The following DNAJC2 variants were observed in gnomAD, a reference collection of about 807,000 sequenced individuals.
The protein encoded by DNAJC2 is dnaJ homolog subfamily C member 2.
A neutral mutation model predicts 94.0 loss-of-function variants in DNAJC2; 32 were observed. That is an observed-to-expected ratio of 0.34 (90% CI 0.26 to 0.46). DNAJC2 has a LOEUF of 0.46. Among genes scored for constraint, DNAJC2 ranks in the 20% least tolerant of loss-of-function variants. The pLI is 1.00. For synonymous variants in DNAJC2, 210 were observed against 229.7 expected (o/e 0.91, Z 0.77); for missense variants, 550 against 719.5 (o/e 0.76, Z 2.69).
chr7:103,334,715 T>C (rs1157129781), intron 3 of DNAJC2, among the ~76,000 whole-genome samples: 1 of 152,062 alleles, frequency 6.6e-6, no homozygotes, highest in Non-Finnish European at 1.5e-5. Context: ...CCCACAGTGC[T>C]AGGATTAACA....
At chr7:103,339,131 G>A (rs1000514424) in intron 2 of DNAJC2, among the ~76,000 whole-genome samples, 1 of 152,052 alleles carries the variant, frequency 6.6e-6, no homozygotes, top group African/African-American at 2.4e-5. Context: ...ATAGCTTATG[G>A]CCATCCTATG....
intron 3 of DNAJC2, among the ~76,000 whole-genome samples, chr7:103,331,244 C>G (rs931430914): frequency 6.6e-6 from 1 of 152,218 alleles, no homozygotes. Context: ...AGGCGTGAGC[C>G]ACTGTGCCTG....
intron 3 of DNAJC2, among the ~76,000 whole-genome samples, chr7:103,331,809 A>G (rs575893219): frequency 6.6e-6 from 1 of 152,308 alleles, no homozygotes; most frequent in Admixed American, 6.5e-5. Context: ...AGCCACAATA[A>G]AAACATGGGA....
chr7:103,321,553 C>A (rs1818415077), intron 10 of DNAJC2, among the ~76,000 whole-genome samples: 1 of 148,468 alleles, frequency 6.7e-6, no homozygotes, highest in South Asian at 2.1e-4. Context: ...TTTTTTTTTT[C>A]AAGAAATATT....
intron 16 of DNAJC2, 74 bp from the exon 17 acceptor site, chr7:103,312,717 A>G: frequency 6.3e-7 from 1 of 1,586,452 alleles, no homozygotes; most frequent in African/African-American, 1.4e-5. Flanking sequence ...GTTTGGTGTA[A>G]AGAATTCAAG....
chr7:103,316,316 C>A, intron 13 of DNAJC2: 1 of 357,122 alleles, frequency 2.8e-6, no homozygotes, highest in East Asian at 4.5e-5. Context: ...ATACATCTTA[C>A]AGATTTGGTG....
At chr7:103,334,014 G>C (rs575285207) in intron 3 of DNAJC2, among the ~76,000 whole-genome samples, 2 of 150,214 alleles carry the variant, frequency 1.3e-5, no homozygotes, top group East Asian at 2.0e-4. Context: ...GCAGTGGCGT[G>C]ATCTCAGCTC....
At chr7:103,332,359 A>T (rs1819012042) in intron 3 of DNAJC2, among the ~76,000 whole-genome samples, 2 of 152,330 alleles carry the variant, frequency 1.3e-5, no homozygotes, top group East Asian at 3.9e-4. Context: ...TTATATTAAT[A>T]GGAATTGTTT....
intron 1 of DNAJC2, among the ~76,000 whole-genome samples, chr7:103,342,299 A>AT (rs958918897): frequency 2.7e-5 from 4 of 150,402 alleles, no homozygotes; most frequent in Admixed American, 1.3e-4. Context: ...CAAATTATTT[A>AT]TTTTTTTACT....
rs1818005990 is a variant in DNAJC2 at position 103,315,641 on chromosome 7, C to G, written c.1636+123G>C. The G allele has an allele frequency of 5.0e-6, 3 of 601,054 alleles. No individual in the cohort carries two copies. The South Asian group carries it at 7.6e-5, about 15-fold the overall frequency. 37.2% of individuals were successfully genotyped at this position (601,054 alleles called of 1,614,324 possible). A position where few individuals can be genotyped will look rare whatever the true frequency, so the allele number is the denominator to read the frequency against. On this transcript the variant is annotated intron_variant, in intron 15 of 16. Transcript: ENST00000379263. ...TCTTTGCCCTGGAAATGTTTGCTTA[C>G]AGCTTCCAGTCTGCTAAACATTTTA...
At chr7:103,321,556 G>C (rs949292745) in intron 10 of DNAJC2, among the ~76,000 whole-genome samples, 1 of 149,520 alleles carries the variant, frequency 6.7e-6, no homozygotes, top group Non-Finnish European at 1.5e-5. Context: ...TTTTTTTCAA[G>C]AAATATTTTG....
At chr7:103,338,105 A>G (rs1819243965) in intron 2 of DNAJC2, among the ~76,000 whole-genome samples, 4 of 152,132 alleles carry the variant, frequency 2.6e-5, no homozygotes, top group Admixed American at 2.0e-4. Context: ...TGTCTCTACA[A>G]AAAAATTTTT....
Position 103,316,839 on chromosome 7 carries a change from G to C in DNAJC2, c.1418C>G (p.Thr473Arg). The C allele has an allele frequency of 6.2e-7, 1 of 1,613,360 alleles. No homozygotes were observed. The highest frequency in any genetic ancestry group is 8.5e-7 in the Non-Finnish European group (1 of 1,179,872). ...TCATTAAAACCAGTACCTTGAATTTGTTCCAGCAGGGAACAGATTCACAGC... is the reference window on the plus strand; with the variant it reads ...TCATTAAAACCAGTACCTTGAATTTCTTCCAGCAGGGAACAGATTCACAGC... ...IKAVNLFPAG[T>R]NSRWEVIANY... The change falls in exon 13 of 17, where the codon ACA becomes AGA. Residue 473 changes from threonine to arginine, a missense_variant. By Grantham distance (71) the Thr-to-Arg change is moderately conservative (BLOSUM62 -1). Coordinates refer to ENST00000379263, the MANE Select transcript of DNAJC2 (RefSeq NM_014377.3).
chr7:103,322,530 T>A lies in DNAJC2; in HGVS notation c.914A>T (p.Glu305Val). The A allele has an allele frequency of 6.6e-7, 1 of 1,519,296 alleles. No individual in the cohort carries two copies. Among genetic ancestry groups the A allele is most frequent in the African/African-American group, 1.4e-5 (1 of 72,758 alleles). 94.1% of individuals were successfully genotyped at this position (1,519,296 alleles called of 1,614,324 possible). Residue 305 changes from glutamate to valine, a missense_variant, in exon 9 of 17, where the codon GAG becomes GTG. Physicochemically the swap from Glu to Val is moderately radical, Grantham distance 121. This residue lies in a region of DNAJC2 where 279 missense variants were observed against 416.9 expected (regional missense o/e 0.67). Transcript: ENST00000379263. ...KKAKAEAKRK[E>V]QEAKEKQRQA... ...TCTTACTTTTTCTTTAGCTTCTTGC[T>A]CCTTCCGTTTAGCTTCTGCTTTTGC... is the stretch of plus-strand genomic sequence containing the variant.
intron 14 of DNAJC2, 46 bp from the exon 15 acceptor site, chr7:103,315,917 C>CT (rs771232487): frequency 6.5e-7 from 1 of 1,536,874 alleles, no homozygotes; most frequent in Admixed American, 1.8e-5. Context: ...ATCATTTAAT[C>CT]TTTCATTAAA....
intron 9 of DNAJC2, 92 bp downstream of exon 9, chr7:103,322,419 A>G: frequency 8.0e-7 from 1 of 1,249,104 alleles, no homozygotes; most frequent in Non-Finnish European, 1.1e-6. Flanking sequence ...CTTTCGAATT[A>G]TAGTTTTTTT....
At chr7:103,323,726 G>C (rs1363971007) in intron 6 of DNAJC2, 63 bp from the exon 7 acceptor site, 1 of 1,195,262 alleles carries the variant, frequency 8.4e-7, no homozygotes, top group Middle Eastern at 2.0e-4. Flanking sequence ...TCTTTTTAAT[G>C]CAAGTGAATG....
intron 3 of DNAJC2, among the ~76,000 whole-genome samples, chr7:103,334,233 G>A (rs1292352425): frequency 6.6e-6 from 1 of 151,718 alleles, no homozygotes. Flanking sequence ...TTACAGGTGT[G>A]AGCCACTGTG....
Position 103,319,775 on chromosome 7 carries a change from C to G in DNAJC2, c.1153G>C (p.Asp385His). 1 of 1,614,192 alleles carries G rather than the reference C, an allele frequency of 6.2e-7. No homozygotes were observed. Among genetic ancestry groups the G allele is most frequent in the Non-Finnish European group, 8.5e-7 (1 of 1,180,042 alleles). ...KMMEEVEKLCDRLELASLQCL... is the reference protein window; with the variant it reads ...KMMEEVEKLCHRLELASLQCL... ...GTATACCTTGCCAGTTCAAGCCGATCACAAAGTTTTTCCACTTCTTCCATC... is the reference window on the plus strand; with the variant it reads ...GTATACCTTGCCAGTTCAAGCCGATGACAAAGTTTTTCCACTTCTTCCATC... Residue 385 changes from aspartate to histidine, a missense_variant, in exon 11 of 17, where the codon GAT becomes CAT. This residue lies in a region of DNAJC2 where 271 missense variants were observed against 302.6 expected (regional missense o/e 0.90). Transcript: ENST00000379263.
Sources: gnomAD v4.1 joint callset for allele counts (sites outside exome capture counted in the v4.1 genomes callset) on GRCh38, gnomAD v4.1.1 for gene constraint, gnomAD v4.1.1 regional missense constraint, MANE v1.5 for transcripts, NCBI Gene and HGNC (gene_info 2026-07-23, HGNC 2026-07-21) for gene names.